The following RPL28 variants were observed in gnomAD, a reference collection of about 807,000 sequenced individuals.
RPL28 encodes the protein large ribosomal subunit protein eL28.
RPL28 carries 4 observed loss-of-function variants against 12.5 expected under a neutral mutation model. That is an observed-to-expected ratio of 0.32 (90% CI 0.16 to 0.73). The LOEUF is 0.73. Ranked by LOEUF, RPL28 falls within the 30% of genes least tolerant of loss-of-function variation. RPL28 has a pLI of 0.66. For synonymous variants in RPL28, 91 were observed against 72.5 expected (o/e 1.26, Z -1.30); for missense variants, 214 against 197.7 (o/e 1.08, Z -0.49).
chr19:55,387,239 G>T (rs762735161), intron 3 of RPL28: 1 of 1,525,894 alleles, frequency 6.6e-7, no homozygotes, highest in Non-Finnish European at 8.9e-7. Flanking sequence ...TAATGGAGGA[G>T]TCCAGCTTCA....
chr19:55,391,300 CAGCTCGTTTAGT>C lies in RPL28; in HGVS notation c.*2972_*2983del. On this transcript the variant is annotated 3_prime_UTR_variant, in exon 5 of 5. Transcript: ENST00000344063. ...TTATGCCCAGCTGTGGGGACTTGGG[CAGCTCGTTTAGT>C]AGCACCGTGCCTCAGTTTCCCATAT... 1.7e-6 allele frequency: 1 copy of C among 604,156 alleles called. No homozygotes were observed. Among genetic ancestry groups the C allele is most frequent in the Non-Finnish European group, 2.3e-6 (1 of 429,988 alleles). The allele number at this position is 604,156 out of a possible 1,614,324, so 37.4% of individuals were successfully genotyped here. A position where few individuals can be genotyped will look rare whatever the true frequency, so the allele number is the denominator to read the frequency against.
Position 55,390,786 on chromosome 19 carries a change from T to TGGAG in RPL28, c.*2463_*2466dup, listed in dbSNP as rs1275154611. ...TGGGGTGGAGGAACCAGGAGAGGGC[T>TGGAG]GGAGGGAGGGAGATGGTCTCAGCCC... On this transcript the variant is annotated 3_prime_UTR_variant, in exon 5 of 5. Transcript: ENST00000344063. 1 of 985,356 alleles carries TGGAG rather than the reference T, an allele frequency of 1.0e-6. No homozygotes were observed. The highest frequency in any genetic ancestry group is 1.2e-6 in the Non-Finnish European group (1 of 829,956). The allele number at this position is 985,356 out of a possible 1,614,324, so 61.0% of individuals were successfully genotyped here. A position where few individuals can be genotyped will look rare whatever the true frequency, so the allele number is the denominator to read the frequency against.
chr19:55,386,624 C>A lies in RPL28; in HGVS notation c.136C>A (p.Arg46Ser), dbSNP rs2089929785. The change falls in exon 3 of 5, where the codon CGC becomes AGC. Residue 46 changes from arginine (R) to serine (S), a missense_variant. Coordinates refer to ENST00000344063, the MANE Select transcript of RPL28 (RefSeq NM_000991.5). Reference protein sequence around the residue: ...NSFRYNGLIHRKTVGVEPAAD... With the variant: ...NSFRYNGLIHSKTVGVEPAAD... Reference sequence around the variant, plus strand: ...CTTCCGCTACAACGGACTGATTCACCGCAAGACTGTGGGCGTGGAGCCGGC... The same window carrying A: ...CTTCCGCTACAACGGACTGATTCACAGCAAGACTGTGGGCGTGGAGCCGGC... The A allele has an allele frequency of 4.3e-6, 7 of 1,613,956 alleles. No individual in the cohort carries two copies. Among genetic ancestry groups the A allele is most frequent in the African/African-American group, 2.7e-5 (2 of 74,918 alleles).
chr19:55,393,410 A>G (rs1174398202), downstream of RPL28, among the ~76,000 whole-genome samples: 2 of 152,010 alleles, frequency 1.3e-5, no homozygotes, highest in East Asian at 3.9e-4. Flanking sequence ...GGCTCAGATG[A>G]AGACTGTCTC....
chr19:55,386,778 G>A (rs2089933208), intron 3 of RPL28, 85 bp downstream of exon 3: 2 of 1,611,948 alleles, frequency 1.2e-6, no homozygotes, highest in Non-Finnish European at 1.7e-6. Flanking sequence ...CAGGAAGAGC[G>A]GTAACTGCCA....
intron 4 of RPL28, chr19:55,400,964 C>T (rs11669732): frequency 0.56 from 90,086 of 161,124 alleles, 26,722 homozygotes; most frequent in African/African-American, 0.72. Context: ...TGAGCAGGAA[C>T]ACCACTGCCA....
chr19:55,390,031 T>C lies in RPL28; in HGVS notation c.*1699T>C. The C allele has an allele frequency of 7.1e-6, 7 of 985,520 alleles. No homozygotes were observed. The highest frequency in any genetic ancestry group is 8.4e-6 in the Non-Finnish European group (7 of 829,978). The allele number at this position is 985,520 out of a possible 1,614,324, so 61.0% of individuals were successfully genotyped here. ...GTGAGGCCTCTCCCCTGGCACCTGC[T>C]TCAGTTGTCCTCCACAGCACTGATT... On this transcript the variant is annotated 3_prime_UTR_variant, in exon 5 of 5. Transcript: ENST00000344063.
chr19:55,389,942 C>A lies in RPL28; in HGVS notation c.*1610C>A, dbSNP rs10424652. On this transcript the variant is annotated 3_prime_UTR_variant, in exon 5 of 5. Coordinates refer to ENST00000344063, the MANE Select transcript of RPL28 (RefSeq NM_000991.5). ...TCAGGCCCATCTCTGGCTGGCCTCA[C>A]TGCGCTGGGACTCCGCCTTCATAAG... 6.9e-3 allele frequency: 6,782 copies of A among 985,492 alleles called. 389 individuals are homozygous for A. The African/African-American group carries it at 0.11, about 16-fold the overall frequency. The allele number at this position is 985,492 out of a possible 1,614,324, so 61.0% of individuals were successfully genotyped here.
rs1247781581 is a variant in RPL28 at position 55,389,362 on chromosome 19, C to T, written c.*1030C>T. ...GAAGACACCATGACACACAGTGAGG[C>T]CTGGATGGGGAAAGAGTCCTGCTGT... is the stretch of plus-strand genomic sequence containing the variant. On this transcript the variant is annotated 3_prime_UTR_variant, in exon 5 of 5. Coordinates refer to ENST00000344063, the MANE Select transcript of RPL28 (RefSeq NM_000991.5). The T allele has an allele frequency of 1.9e-5, 19 of 979,988 alleles. No individual in the cohort carries two copies. The highest frequency in any genetic ancestry group is 2.2e-5 in the Non-Finnish European group (18 of 827,356). The allele number at this position is 979,988 out of a possible 1,614,324, so 60.7% of individuals were successfully genotyped here.
At chr19:55,395,431 C>A (rs577438521), downstream of RPL28, among the ~76,000 whole-genome samples, 3 of 147,938 alleles carry the variant, frequency 2.0e-5, no homozygotes, top group Admixed American at 2.1e-4. Flanking sequence ...CTGTGCCTGG[C>A]CTTCTTTTTC....
In RPL28 at chr19:55,388,508, A is replaced by T. The variant is rs2089958530; in HGVS notation, c.*176A>T. On this transcript the variant is annotated 3_prime_UTR_variant, in exon 5 of 5. Coordinates refer to ENST00000344063, the MANE Select transcript of RPL28 (RefSeq NM_000991.5). ...AGGTGATGTCAATGGCTGGCCATGC[A>T]GGAGGGGTGGGGTAGCTGCCTTGTC... is the stretch of plus-strand genomic sequence containing the variant. 8.4e-6 allele frequency: 11 copies of T among 1,305,554 alleles called. No homozygotes were observed. Among genetic ancestry groups the T allele is most frequent in the Non-Finnish European group, 9.8e-6 (10 of 1,023,608 alleles). 80.9% of individuals were successfully genotyped at this position (1,305,554 alleles called of 1,614,324 possible). A position where few individuals can be genotyped will look rare whatever the true frequency, so the allele number is the denominator to read the frequency against.
At position 55,386,341 on chromosome 19, in the gene RPL28, T is replaced by TC; in HGVS notation, c.-8-5dup. On this transcript the variant is annotated splice_polypyrimidine_tract_variant and intron_variant, in intron 1 of 4. Coordinates refer to ENST00000344063, the MANE Select transcript of RPL28 (RefSeq NM_000991.5). The stretch of plus-strand genomic sequence containing the variant: ...GTCTGACGCTTTCCCTGTGCCCGTT[T>TC]CCCCGCAGCCGCCGCCATGTCTGCG... 6.2e-7 allele frequency: 1 copy of TC among 1,612,956 alleles called. No individual in the cohort carries two copies. The highest frequency in any genetic ancestry group is 8.5e-7 in the Non-Finnish European group (1 of 1,179,594).
In RPL28 at chr19:55,389,015, C is replaced by T. The variant is rs943366300; in HGVS notation, c.*683C>T. 3 of 985,390 alleles carry T rather than the reference C, an allele frequency of 3.0e-6. No individual in the cohort carries two copies. Among genetic ancestry groups the T allele is most frequent in the African/African-American group, 1.7e-5 (1 of 57,216 alleles). The allele number at this position is 985,390 out of a possible 1,614,324, so 61.0% of individuals were successfully genotyped here. ...TCCCTCCCCTGTCTCTTTGAGCTGG[C>T]TCTTGTCACTTAGGTCTCATCTCAG... On this transcript the variant is annotated 3_prime_UTR_variant, in exon 5 of 5. Transcript: ENST00000344063.
At chr19:55,386,024 A>C in intron 1 of RPL28, 59 bp downstream of exon 1, 1 of 327,882 alleles carries the variant, frequency 3.0e-6, no homozygotes, top group Admixed American at 4.1e-5. Context: ...ACTCCCTCTC[A>C]GTCCTCTGCC....
downstream of RPL28, among the ~76,000 whole-genome samples, chr19:55,395,518 A>G (rs1455031104): frequency 6.9e-6 from 1 of 145,742 alleles, no homozygotes; most frequent in South Asian, 2.1e-4. Flanking sequence ...ATCTCGGCTC[A>G]CTGCAAGCTC....
downstream of RPL28, among the ~76,000 whole-genome samples, chr19:55,395,543 A>C (rs1036702791): frequency 7.4e-5 from 11 of 149,210 alleles, no homozygotes; most frequent in African/African-American, 2.2e-4. Flanking sequence ...TCCCGGGTTC[A>C]CGCCATTCTC....
At chr19:55,394,328 C>T (rs1238208480), downstream of RPL28, among the ~76,000 whole-genome samples, 4 of 151,074 alleles carry the variant, frequency 2.6e-5, no homozygotes, top group African/African-American at 9.7e-5. Context: ...GGCACAATCT[C>T]GGCTCACTGC....
chr19:55,400,271 C>G (rs892882190), intron 4 of RPL28: 3 of 152,206 alleles, frequency 2.0e-5, no homozygotes, highest in Non-Finnish European at 4.4e-5. Context: ...GTGATCCTTT[C>G]ACCTCCTAAA....
At chr19:55,386,201 G>C in intron 1 of RPL28, 149 bp from the exon 2 acceptor site, 1 of 688,448 alleles carries the variant, frequency 1.5e-6, no homozygotes, top group African/African-American at 1.8e-5. Context: ...CGCCTGACAA[G>C]AGTTCTAGGT....
Sources: gnomAD v4.1 joint callset for allele counts (sites outside exome capture counted in the v4.1 genomes callset) on GRCh38, gnomAD v4.1.1 for gene constraint, MANE v1.5 for transcripts, NCBI Gene and HGNC (gene_info 2026-07-23, HGNC 2026-07-21) for gene names.